ROBO2: variants seen among roughly 807,000 people sequenced by gnomAD.
The protein encoded by ROBO2 is roundabout guidance receptor 2, also known as roundabout homolog 2.
ROBO2 carries 53 observed loss-of-function variants against 160.8 expected under a neutral mutation model. That is an observed-to-expected ratio of 0.33 (90% CI 0.26 to 0.41). The LOEUF (loss-of-function observed/expected upper bound fraction) is 0.41, where lower values mean the gene tolerates loss of function less well. ROBO2 is among the 10% of genes least tolerant of loss of function. The pLI, the probability that ROBO2 is intolerant of heterozygous loss-of-function variation, is 1.00. For missense variants in ROBO2, 1,577 were observed against 1,722.4 expected (o/e 0.92, Z 1.49); for synonymous variants, 664 against 611.7 (o/e 1.09, Z -1.26).
chr3:75,963,894 A>G (rs1056331252), intron 2 of ROBO2, among the ~76,000 whole-genome samples: 10 of 151,734 alleles, frequency 6.6e-5, no homozygotes, highest in Non-Finnish European at 8.8e-5. Context: ...TTATATGGAC[A>G]TCATTTTTAT....
At chr3:76,245,011 C>G (rs1705530315) in intron 2 of ROBO2, among the ~76,000 whole-genome samples, 1 of 151,708 alleles carries the variant, frequency 6.6e-6, no homozygotes, top group South Asian at 2.1e-4. Context: ...TACAAATTCA[C>G]CGATGAAATT....
intron 2 of ROBO2, among the ~76,000 whole-genome samples, chr3:76,601,637 A>G (rs2087150389): frequency 6.6e-6 from 1 of 152,124 alleles, no homozygotes; most frequent in Non-Finnish European, 1.5e-5. Context: ...TAGACTGCAC[A>G]CAGCATGGGA....
chr3:77,002,125 C>G (rs1479757962), intron 2 of ROBO2, among the ~76,000 whole-genome samples: 1 of 152,036 alleles, frequency 6.6e-6, no homozygotes, highest in Non-Finnish European at 1.5e-5. Flanking sequence ...GTCACATTAA[C>G]ATTTATAGTA....
upstream of ROBO2, among the ~76,000 whole-genome samples, chr3:77,037,128 T>C (rs2063683908): frequency 6.6e-6 from 1 of 152,178 alleles, no homozygotes; most frequent in Non-Finnish European, 1.5e-5. Context: ...TGGCGACTCG[T>C]TACTGTTGCT....
In ROBO2 at chr3:77,091,785, C is replaced by T. The variant is rs540231487; in HGVS notation, c.62-6229C>T. Among the ~76,000 whole-genome samples the T allele has an allele frequency of 2.1e-4, 32 of 152,038 alleles. 1 individual carries two copies. The highest frequency in any genetic ancestry group is 7.7e-4 in the African/African-American group (32 of 41,470). On this transcript the variant is annotated intron_variant, in intron 1 of 25. Coordinates refer to ENST00000461745, the Ensembl canonical transcript of ROBO2. The stretch of plus-strand genomic sequence containing the variant: ...CTTGAGGCCAGGGGTTCGAGACCAT[C>T]CTGGCCAATATGACGAAAATCCGTC...
At chr3:75,979,657 A>G (rs1018021466) in intron 2 of ROBO2, among the ~76,000 whole-genome samples, 2 of 151,636 alleles carry the variant, frequency 1.3e-5, no homozygotes, top group South Asian at 4.1e-4. Context: ...TGGGTGCTTT[A>G]TGTGTTTCTT....
intron 2 of ROBO2, among the ~76,000 whole-genome samples, chr3:76,572,777 G>T (rs559132148): frequency 4.6e-5 from 7 of 152,266 alleles, no homozygotes; most frequent in African/African-American, 1.7e-4. Flanking sequence ...GCAAATTCTA[G>T]CCCCTTGAGG....
chr3:77,130,179 T>A lies in ROBO2; in HGVS notation c.388+31839T>A, dbSNP rs1006984401. On this transcript the variant is annotated intron_variant, in intron 2 of 25. Transcript: ENST00000461745. Reference sequence around the variant, plus strand: ...AGCTTCCATGATGACTCTCAAATGGTCATTGTCAACTTCCGATGGCCGGCC... The same window carrying A: ...AGCTTCCATGATGACTCTCAAATGGACATTGTCAACTTCCGATGGCCGGCC... Among the ~76,000 whole-genome samples, 4 of 152,172 alleles carry A rather than the reference T, an allele frequency of 2.6e-5. No individual in the cohort carries two copies. The East Asian group carries it at 7.8e-4, about 29-fold the overall frequency.
chr3:77,374,911 T>G (rs1180949864), intron 2 of ROBO2, among the ~76,000 whole-genome samples: 1 of 152,218 alleles, frequency 6.6e-6, no homozygotes, highest in East Asian at 1.9e-4. Context: ...TTCAGTACAA[T>G]AAGATATATG....
chr3:76,426,442 A>G (rs1325182020), intron 2 of ROBO2, among the ~76,000 whole-genome samples: 1 of 152,176 alleles, frequency 6.6e-6, no homozygotes, highest in Non-Finnish European at 1.5e-5. Flanking sequence ...AATGATCAAC[A>G]GACATCTGCG....
intron 2 of ROBO2, among the ~76,000 whole-genome samples, chr3:76,137,778 A>G (rs766486502): frequency 5.9e-4 from 89 of 151,958 alleles, no homozygotes; most frequent in Non-Finnish European, 1.1e-3. Context: ...TTCAAAGCCA[A>G]CAATTGCAAG....
intron 6 of ROBO2, among the ~76,000 whole-genome samples, chr3:77,538,128 AGT>A (rs1309995733): frequency 6.7e-6 from 1 of 148,824 alleles, no homozygotes; most frequent in African/African-American, 2.5e-5. Context: ...CAAAAAAAAT[AGT>A]TAATTAGAAA....
chr3:77,471,872 C>T (rs993606501), intron 2 of ROBO2, among the ~76,000 whole-genome samples: 4 of 152,106 alleles, frequency 2.6e-5, no homozygotes, highest in African/African-American at 7.2e-5. Context: ...GACAACATTT[C>T]CCTGGGCTCT....
intron 2 of ROBO2, among the ~76,000 whole-genome samples, chr3:76,856,335 T>A (rs1300205911): frequency 6.6e-6 from 1 of 152,216 alleles, no homozygotes; most frequent in East Asian, 1.9e-4. Flanking sequence ...TACAACATGA[T>A]GTTTTAAGAC....
intron 2 of ROBO2, among the ~76,000 whole-genome samples, chr3:77,391,093 T>C (rs2074678490): frequency 6.6e-6 from 1 of 152,070 alleles, no homozygotes; most frequent in Admixed American, 6.6e-5. Flanking sequence ...TTTCTCTCTG[T>C]TGGACACCAA....
intron 2 of ROBO2, among the ~76,000 whole-genome samples, chr3:77,198,272 G>T (rs1022641215): frequency 6.6e-6 from 1 of 152,078 alleles, no homozygotes. Context: ...TAGCAGGAAG[G>T]CCTGGTCAGG....
intron 2 of ROBO2, among the ~76,000 whole-genome samples, chr3:76,907,824 G>GTT (rs991098375): frequency 4.4e-4 from 6 of 13,608 alleles, no homozygotes; most frequent in African/African-American, 9.7e-4. Flanking sequence ...TTTGTTTGGG[G>GTT]TGTGTGTGTG....
intron 2 of ROBO2, among the ~76,000 whole-genome samples, chr3:77,189,977 T>C (rs1442194254): frequency 6.6e-6 from 1 of 151,966 alleles, no homozygotes; most frequent in Non-Finnish European, 1.5e-5. Context: ...CTAAATTCAA[T>C]TGGCTTAGGT....
chr3:76,803,888 C>T (rs533704470), intron 2 of ROBO2, among the ~76,000 whole-genome samples: 5 of 152,206 alleles, frequency 3.3e-5, no homozygotes, highest in African/African-American at 1.2e-4. Context: ...TTATTATTGA[C>T]GAATGACACA....
Sources: allele counts gnomAD v4.1 joint callset (sites outside exome capture counted in the v4.1 genomes callset), GRCh38; gene constraint gnomAD v4.1.1; transcripts MANE v1.5; gene names NCBI Gene and HGNC (gene_info 2026-07-23, HGNC 2026-07-21).